LRRCC1: variants seen among roughly 807,000 people sequenced by gnomAD.
LRRCC1 encodes leucine-rich repeat and coiled-coil domain-containing protein 1.
In LRRCC1, 115 loss-of-function variants were observed where a neutral mutation model predicts 126.0. The ratio of observed to expected loss-of-function variants is 0.91; its 90% CI spans 0.78 to 1.07. The LOEUF (loss-of-function observed/expected upper bound fraction) is 1.07. Among genes scored for constraint, LRRCC1 ranks in the 50% least tolerant of loss-of-function variants. The pLI is 0.00. For missense variants in LRRCC1, 1,172 were observed against 1,175.7 expected (o/e 1.00, Z 0.05); for synonymous variants, 400 against 393.4 (o/e 1.02, Z -0.20).
rs1811626981 is a variant in LRRCC1, at chr8:85,145,638, T to A, written c.*127T>A. 1 of 711,190 alleles carries A rather than the reference T, an allele frequency of 1.4e-6. No individual in the cohort carries two copies. Among genetic ancestry groups the A allele is most frequent in the East Asian group, 3.7e-5 (1 of 26,730 alleles). 44.1% of individuals were successfully genotyped at this position (711,190 alleles called of 1,614,324 possible). A position where few individuals can be genotyped will look rare whatever the true frequency, so the allele number is the denominator to read the frequency against. On this transcript the variant is annotated 3_prime_UTR_variant, in exon 19 of 19. Transcript: ENST00000360375. ...TTCTATACATTTCATTATGAATATA[T>A]TTTTAAAGACTTTTGATCAAGTATT...
intron 3 of LRRCC1, among the ~76,000 whole-genome samples, chr8:85,111,911 G>A (rs752576173): frequency 6.6e-6 from 1 of 150,808 alleles, no homozygotes; most frequent in Non-Finnish European, 1.5e-5. Context: ...GTCTCGCTCT[G>A]GGGTGCAGTG....
intron 18 of LRRCC1, among the ~76,000 whole-genome samples, chr8:85,141,802 G>A (rs989548255): frequency 1.4e-4 from 22 of 152,182 alleles, no homozygotes; most frequent in African/African-American, 5.1e-4. Flanking sequence ...ATCTTGGATA[G>A]GAGTCTCTTT....
intron 4 of LRRCC1, among the ~76,000 whole-genome samples, chr8:85,114,140 A>G (rs1808929196): frequency 6.6e-6 from 1 of 152,080 alleles, no homozygotes; most frequent in Non-Finnish European, 1.5e-5. Context: ...GACAGATTTG[A>G]AAGTTTTCTG....
In LRRCC1 at chr8:85,123,393, G is replaced by A. The variant is rs992557195; in HGVS notation, c.931-20G>A. 4.6e-6 allele frequency: 7 copies of A among 1,528,846 alleles called. No homozygotes were observed. Among genetic ancestry groups the A allele is most frequent in the African/African-American group, 1.4e-5 (1 of 71,174 alleles). The allele number at this position is 1,528,846 out of a possible 1,614,324, so 94.7% of individuals were successfully genotyped here. A position where few individuals can be genotyped will look rare whatever the true frequency, so the allele number is the denominator to read the frequency against. On this transcript the variant is annotated intron_variant, in intron 6 of 18. Coordinates refer to ENST00000360375, the MANE Select transcript of LRRCC1 (RefSeq NM_033402.5). ...TTATACTGAACTTTTAACAAATTTT[G>A]TTGGCTTTTTAAATTTTAGACTTCT...
chr8:85,130,132 A>G (rs757817347), intron 11 of LRRCC1, 74 bp downstream of exon 11: 1 of 1,054,354 alleles, frequency 9.5e-7, no homozygotes, highest in Non-Finnish European at 1.3e-6. Context: ...CCCCACTACC[A>G]GTATTTTTTT....
At position 85,123,616 on chromosome 8, in the gene LRRCC1, T is replaced by C; in HGVS notation, c.1124+10T>C. The C allele has an allele frequency of 6.4e-7, 1 of 1,554,876 alleles. No homozygotes were observed. The highest frequency in any genetic ancestry group is 2.3e-5 in the East Asian group (1 of 43,852). On this transcript the variant is annotated intron_variant, in intron 7 of 18. Transcript: ENST00000360375. ...ACAACTCTTTTGTAAGGTACTTGTT[T>C]TAGTTTTAGAAATTTAAGGCACACA...
In LRRCC1 at chr8:85,138,486, G is replaced by C. The variant is rs757006995; in HGVS notation, c.2840+11G>C. 6.9e-6 allele frequency: 11 copies of C among 1,602,014 alleles called. No homozygotes were observed. The highest frequency in any genetic ancestry group is 8.5e-6 in the Non-Finnish European group (10 of 1,176,464). ...TATTGAACTACAAAAGTAAGCATTAGGTTCTAAAGGATTTGAGATCTCCTT... is the reference window on the plus strand; with the variant it reads ...TATTGAACTACAAAAGTAAGCATTACGTTCTAAAGGATTTGAGATCTCCTT... On this transcript the variant is annotated intron_variant, in intron 17 of 18. Coordinates refer to ENST00000360375, the MANE Select transcript of LRRCC1 (RefSeq NM_033402.5).
Position 85,146,071 on chromosome 8 carries a change from G to C in LRRCC1, c.*560G>C, listed in dbSNP as rs1168495621. On this transcript the variant is annotated 3_prime_UTR_variant, in exon 19 of 19. Coordinates refer to ENST00000360375, the MANE Select transcript of LRRCC1 (RefSeq NM_033402.5). ...CTTTTCATTAAAGATTACATTTAAG[G>C]TTTTATAAATATTGTCTGTTCCTGA... is the stretch of plus-strand genomic sequence containing the variant. 1 of 151,976 alleles carries C rather than the reference G, an allele frequency of 6.6e-6. No homozygotes were observed. Among genetic ancestry groups the C allele is most frequent in the African/African-American group, 2.4e-5 (1 of 41,372 alleles). The allele number at this position is 151,976 out of a possible 1,614,324, so 9.4% of individuals were successfully genotyped here.
In LRRCC1 at chr8:85,145,447, A is replaced by C. The variant is rs763296748; in HGVS notation, c.3035A>C (p.Lys1012Thr). The C allele has an allele frequency of 5.7e-6, 9 of 1,583,832 alleles. No individual in the cohort carries two copies. The Admixed American group carries it at 1.7e-4, about 29-fold the overall frequency. ...ELLEETCKNK[K>T]TMEAKIKQLA... ...TTGGAAGAAACATGCAAGAACAAAA[A>C]AACAATGGAAGCAAAAATTAAGCAA... Residue 1012 changes from lysine (K) to threonine (T), a missense_variant, in exon 19 of 19, where the codon AAA becomes ACA. Physicochemically the swap from Lys to Thr is moderately conservative, Grantham distance 78. Transcript: ENST00000360375.
At chr8:85,129,059 G>T in intron 9 of LRRCC1, 116 bp from the exon 10 acceptor site, 1 of 754,136 alleles carries the variant, frequency 1.3e-6, no homozygotes, top group East Asian at 2.5e-5. Flanking sequence ...TATCAAACAG[G>T]AGTTGAGAGC....
chr8:85,113,234 C>A, intron 4 of LRRCC1, 135 bp downstream of exon 4: 6 of 646,994 alleles, frequency 9.3e-6, no homozygotes, highest in South Asian at 4.2e-5. Context: ...AACATGGTTA[C>A]AAATAAAATT....
intron 17 of LRRCC1, among the ~76,000 whole-genome samples, chr8:85,138,836 G>A (rs996781427): frequency 1.2e-4 from 18 of 152,112 alleles, no homozygotes; most frequent in African/African-American, 4.3e-4. Context: ...CCTGAGATTA[G>A]GAGTTCAAGA....
chr8:85,125,825 A>G (rs1265619809), intron 8 of LRRCC1, among the ~76,000 whole-genome samples: 1 of 151,908 alleles, frequency 6.6e-6, no homozygotes, highest in Non-Finnish European at 1.5e-5. Context: ...TGTTCTTTCA[A>G]TAATAGAATT....
At chr8:85,130,108 G>C (rs1476397326) in intron 11 of LRRCC1, 50 bp downstream of exon 11, 7,998 of 897,744 alleles carry the variant, frequency 8.9e-3, no homozygotes, top group Non-Finnish European at 0.01. Flanking sequence ...AAAAGAAAAA[G>C]AAAGCTACTG....
rs1587433595 is a variant in LRRCC1 at position 85,135,657 on chromosome 8, C to T, written c.2155-132C>T. On this transcript the variant is annotated intron_variant, in intron 13 of 18. Coordinates refer to ENST00000360375, the MANE Select transcript of LRRCC1 (RefSeq NM_033402.5). ...ACATTTGTCTTTAGTAAAACTAAAA[C>T]TTCTGATGTAAAATTTGGTAATATT... is the stretch of plus-strand genomic sequence containing the variant. The T allele has an allele frequency of 7.6e-6, 4 of 525,870 alleles. No individual in the cohort carries two copies. The East Asian group carries it at 1.1e-4, about 14-fold the overall frequency. The allele number at this position is 525,870 out of a possible 1,614,324, so 32.6% of individuals were successfully genotyped here.
intron 1 of LRRCC1, 196 bp from the exon 2 acceptor site, chr8:85,109,399 A>G: frequency 1.8e-6 from 1 of 553,452 alleles, no homozygotes. Flanking sequence ...TTGTTTGTAT[A>G]AATAATCCAA....
rs538616734 is a variant in LRRCC1, at chr8:85,131,847, T to G, written c.1854T>G (p.His618Gln). ...AAATAGCCAAAGAAGAGAAAAAGCA[T>G]GAGCAAATGATAAAAGAATACCAAG... ...AKEIAKEEKK[H>Q]EQMIKEYQEK... The change falls in exon 12 of 19, where the codon CAT becomes CAG. Residue 618 changes from histidine to glutamine, a missense_variant. Transcript: ENST00000360375. 34 of 1,613,772 alleles carry G rather than the reference T, an allele frequency of 2.1e-5. No individual in the cohort carries two copies. In the East Asian group the frequency reaches 7.4e-4, roughly 35 times the overall value.
chr8:85,137,640 T>C lies in LRRCC1; in HGVS notation c.2493+13T>C. 1.4e-6 allele frequency: 2 copies of C among 1,420,064 alleles called. No homozygotes were observed. Among genetic ancestry groups the C allele is most frequent in the Non-Finnish European group, 1.8e-6 (2 of 1,083,284 alleles). 88.0% of individuals were successfully genotyped at this position (1,420,064 alleles called of 1,614,324 possible). On this transcript the variant is annotated intron_variant, in intron 15 of 18. Coordinates refer to ENST00000360375, the MANE Select transcript of LRRCC1 (RefSeq NM_033402.5). The stretch of plus-strand genomic sequence containing the variant: ...AAAATTAAAAGATGTAAGTTTGACA[T>C]TTTATTTTGGTTAAAGAGCAAATGG...
At chr8:85,125,648 G>C (rs954590449) in intron 8 of LRRCC1, among the ~76,000 whole-genome samples, 2 of 116,464 alleles carry the variant, frequency 1.7e-5, no homozygotes, top group African/African-American at 6.8e-5. Context: ...ACTCCAGCCT[G>C]GGCGACAGAG....
Sources: gnomAD v4.1 joint callset for allele counts (sites outside exome capture counted in the v4.1 genomes callset) on GRCh38, gnomAD v4.1.1 for gene constraint, MANE v1.5 for transcripts, NCBI Gene and HGNC (gene_info 2026-07-23, HGNC 2026-07-21) for gene names.